Variants in MMP26 observed in about 807,000 individuals in gnomAD.
MMP26 encodes matrix metalloproteinase-26.
MMP26 carries 33 observed loss-of-function variants against 31.0 expected under a neutral mutation model. That is an observed-to-expected ratio of 1.06 (90% CI 0.81 to 1.42). The LOEUF (loss-of-function observed/expected upper bound fraction) is 1.42. MMP26 is among the 40% of genes most tolerant of loss of function. The pLI is 0.00. For missense variants in MMP26, 347 were observed against 316.1 expected, an observed-to-expected ratio of 1.10 and a Z score of -0.74; for synonymous variants, 122 against 114.9, an observed-to-expected ratio of 1.06 and a Z score of -0.40.
At chr11:4,839,596 G>C (rs570536669) in intron 2 of MMP26, among the ~76,000 whole-genome samples, 1 of 151,936 alleles carries the variant, frequency 6.6e-6, no homozygotes, top group Non-Finnish European at 1.5e-5. Context: ...GGTCAGAAGG[G>C]AACCTGCTGC....
At chr11:4,846,237 C>T (rs1281323142) in intron 2 of MMP26, among the ~76,000 whole-genome samples, 1 of 152,026 alleles carries the variant, frequency 6.6e-6, no homozygotes, top group Non-Finnish European at 1.5e-5. Context: ...TGAATGAGAT[C>T]CTATCATTTG....
At chr11:4,808,650 C>T (rs1237441402) in intron 2 of MMP26, among the ~76,000 whole-genome samples, 1 of 152,046 alleles carries the variant, frequency 6.6e-6, no homozygotes, top group Admixed American at 6.6e-5. Flanking sequence ...TTCACTCATA[C>T]TTCTGACTCC....
chr11:4,991,628 A>G (rs1400217074), intron 6 of MMP26, 132 bp downstream of exon 6: 3 of 1,094,282 alleles, frequency 2.7e-6, no homozygotes, highest in Non-Finnish European at 3.9e-6. Context: ...GGTCTTCTTT[A>G]TAAGTGAGGA....
chr11:4,942,427 G>T (rs915482403), intron 2 of MMP26, among the ~76,000 whole-genome samples: 4 of 151,910 alleles, frequency 2.6e-5, no homozygotes, highest in Non-Finnish European at 4.4e-5. Flanking sequence ...GTAATGTAGG[G>T]TATCCTTGTT....
intron 2 of MMP26, among the ~76,000 whole-genome samples, chr11:4,799,391 A>G (rs1438597987): frequency 2.0e-5 from 3 of 152,050 alleles, no homozygotes; most frequent in Non-Finnish European, 2.9e-5. Flanking sequence ...AGGCTCTATT[A>G]AACAAGAAGC....
chr11:4,872,073 A>G (rs984444860), intron 2 of MMP26, among the ~76,000 whole-genome samples: 1 of 152,108 alleles, frequency 6.6e-6, no homozygotes, highest in Non-Finnish European at 1.5e-5. Context: ...TAGTGCATGC[A>G]ATAGCAGTAA....
intron 2 of MMP26, among the ~76,000 whole-genome samples, chr11:4,927,134 A>C (rs1196198020): frequency 1.3e-5 from 2 of 152,144 alleles, no homozygotes; most frequent in Non-Finnish European, 2.9e-5. Context: ...TGGGCCGGGC[A>C]ATGATCCTGA....
intron 2 of MMP26, among the ~76,000 whole-genome samples, chr11:4,823,145 C>T (rs1849533820): frequency 6.6e-6 from 1 of 151,050 alleles, no homozygotes; most frequent in African/African-American, 2.5e-5. Context: ...CAAAGGCTGG[C>T]TGATATCAAC....
chr11:4,749,583 T>C (rs112695813), intron 1 of MMP26, among the ~76,000 whole-genome samples: 9,936 of 152,150 alleles, frequency 0.065, 394 homozygotes, highest in Non-Finnish European at 0.096. Context: ...AATAGACACA[T>C]TGACCAATTA....
At chr11:4,891,283 G>T (rs1273411925) in intron 2 of MMP26, among the ~76,000 whole-genome samples, 1 of 152,064 alleles carries the variant, frequency 6.6e-6, no homozygotes, top group African/African-American at 2.4e-5. Flanking sequence ...GCCTCAGGGA[G>T]CTTTTATTCA....
chr11:4,758,464 T>TG (rs755829948), intron 1 of MMP26, among the ~76,000 whole-genome samples: 1 of 121,316 alleles, frequency 8.2e-6, no homozygotes, highest in Non-Finnish European at 1.7e-5. Flanking sequence ...ATCATCCATT[T>TG]GGAAAAAAAA....
chr11:4,787,468 G>T (rs1025312144), intron 2 of MMP26: 2 of 152,196 alleles, frequency 1.3e-5, no homozygotes, highest in East Asian at 1.9e-4. Context: ...ACGGAGGAAG[G>T]CCTTCGACAC....
At chr11:4,768,767 CA>C (rs1373312668) in intron 2 of MMP26, among the ~76,000 whole-genome samples, 1 of 152,134 alleles carries the variant, frequency 6.6e-6, no homozygotes, top group Admixed American at 6.5e-5. Context: ...TTTATCATTT[CA>C]TTATTGTTAT....
At chr11:4,741,640 C>A (rs1024818491) in intron 1 of MMP26, among the ~76,000 whole-genome samples, 1 of 136,230 alleles carries the variant, frequency 7.3e-6, no homozygotes, top group Non-Finnish European at 1.6e-5. Context: ...ACACATGAGG[C>A]CTGTTGGGGG....
At chr11:4,861,769 G>T (rs1850163886) in intron 2 of MMP26, among the ~76,000 whole-genome samples, 1 of 152,026 alleles carries the variant, frequency 6.6e-6, no homozygotes, top group African/African-American at 2.4e-5. Context: ...ACCCATGAGT[G>T]CCGCCTTCTA....
At chr11:4,845,504 T>C (rs939246436) in intron 2 of MMP26, among the ~76,000 whole-genome samples, 1 of 152,124 alleles carries the variant, frequency 6.6e-6, no homozygotes, top group African/African-American at 2.4e-5. Flanking sequence ...CAAAAAAACA[T>C]TGGGGAAATT....
intron 2 of MMP26, among the ~76,000 whole-genome samples, chr11:4,889,391 A>G (rs1331693566): frequency 2.0e-5 from 3 of 152,208 alleles, no homozygotes; most frequent in Non-Finnish European, 4.4e-5. Flanking sequence ...ACAAAAAATT[A>G]TCTACATGTT....
intron 1 of MMP26, chr11:4,719,515 C>G (rs7104128): frequency 1.2e-4 from 18 of 153,646 alleles, no homozygotes; most frequent in African/African-American, 4.1e-4. Context: ...CAAACAGATA[C>G]GCTAGGCTGT....
chr11:4,873,842 T>G (rs1184505828), intron 2 of MMP26, among the ~76,000 whole-genome samples: 1 of 152,136 alleles, frequency 6.6e-6, no homozygotes, highest in Non-Finnish European at 1.5e-5. Context: ...GCGCAGTGAT[T>G]ATTAAGTAAC....
Sources: allele counts gnomAD v4.1 joint callset (sites outside exome capture counted in the v4.1 genomes callset), GRCh38; gene constraint gnomAD v4.1.1; transcripts MANE v1.5; gene names NCBI Gene and HGNC (gene_info 2026-07-23, HGNC 2026-07-21).